DCC: variants seen among roughly 807,000 people sequenced by gnomAD.
DCC encodes DCC netrin 1 receptor.
DCC carries 58 observed loss-of-function variants against 172.5 expected under a neutral mutation model. That is an observed-to-expected ratio of 0.34 (90% confidence interval 0.27 to 0.42). The LOEUF is 0.42. DCC is among the 10% of genes least tolerant of loss of function. The probability of loss-of-function intolerance (pLI) is 1.00; values close to 1 mark genes in which losing one functional copy is unlikely to be tolerated. For synonymous variants in DCC, 709 were observed against 644.5 expected, an observed-to-expected ratio of 1.10 and a Z score of -1.52; for missense variants, 1,740 against 1,791.0, an observed-to-expected ratio of 0.97 and a Z score of 0.51.
intron 1 of DCC, among the ~76,000 whole-genome samples, chr18:52,480,098 A>G (rs555387786): frequency 6.6e-6 from 1 of 152,302 alleles, no homozygotes; most frequent in East Asian, 1.9e-4. Context: ...TTGCACAGCC[A>G]GTGAGTATAA....
chr18:52,633,999 C>T (rs2034727041), intron 1 of DCC, among the ~76,000 whole-genome samples: 1 of 152,228 alleles, frequency 6.6e-6, no homozygotes, highest in Non-Finnish European at 1.5e-5. Context: ...GATGGCGTAG[C>T]ACTCCTTTGC....
At chr18:53,451,697 A>G (rs2045414812) in intron 23 of DCC, among the ~76,000 whole-genome samples, 1 of 146,974 alleles carries the variant, frequency 6.8e-6, no homozygotes, top group African/African-American at 2.6e-5. Context: ...TCTGTTGCTA[A>G]TAGCTCGCTC....
At chr18:52,883,348 TTATG>T (rs55682766) in intron 2 of DCC, among the ~76,000 whole-genome samples, 3,294 of 106,074 alleles carry the variant, frequency 0.031, 64 homozygotes, top group Non-Finnish European at 0.038. Flanking sequence ...ATTTATTTAT[TTATG>T]TGTGTGTGTG....
At chr18:52,946,890 T>C (rs2040554754) in intron 5 of DCC, among the ~76,000 whole-genome samples, 1 of 152,162 alleles carries the variant, frequency 6.6e-6, no homozygotes, top group Non-Finnish European at 1.5e-5. Context: ...AAGATACATA[T>C]TTTAATACTT....
intron 2 of DCC, among the ~76,000 whole-genome samples, chr18:52,770,540 T>C (rs2037323923): frequency 6.6e-6 from 1 of 152,214 alleles, no homozygotes; most frequent in Admixed American, 6.5e-5. Flanking sequence ...ATCATATCTG[T>C]CATCTTTGCT....
intron 1 of DCC, among the ~76,000 whole-genome samples, chr18:52,586,041 C>T (rs28549871): frequency 2.5e-4 from 31 of 126,242 alleles, no homozygotes; most frequent in African/African-American, 8.7e-4. Flanking sequence ...CGAAATTGTG[C>T]CACTGCACTC....
intron 2 of DCC, among the ~76,000 whole-genome samples, chr18:52,818,744 C>G (rs1168219412): frequency 6.6e-6 from 1 of 152,080 alleles, no homozygotes; most frequent in East Asian, 1.9e-4. Context: ...ACTTGGTCAT[C>G]AAAACATTCA....
chr18:52,608,880 C>A (rs2034191554), intron 1 of DCC, among the ~76,000 whole-genome samples: 1 of 152,112 alleles, frequency 6.6e-6, no homozygotes, highest in African/African-American at 2.4e-5. Flanking sequence ...GATATGTGCA[C>A]AACTCACATA....
At chr18:53,088,349 C>T (rs540652705) in intron 7 of DCC, among the ~76,000 whole-genome samples, 83 of 152,224 alleles carry the variant, frequency 5.5e-4, no homozygotes, top group African/African-American at 1.9e-3. Context: ...CTAGGTATTT[C>T]ATTCCCTTTG....
chr18:53,344,695 C>A (rs567401688), intron 15 of DCC, among the ~76,000 whole-genome samples: 31 of 151,758 alleles, frequency 2.0e-4, no homozygotes, highest in Non-Finnish European at 4.1e-4. Context: ...CCACCTCAGC[C>A]TCTCAAGTGC....
At position 52,699,782 on chromosome 18, in the gene DCC, G is replaced by T. The variant is rs563529654; in HGVS notation, c.92-52272G>T. ...ATATTACTTTTTTTTTCTCTGAATT[G>T]GATGTCAGCAGACATGAACTCTAGT... is the stretch of plus-strand genomic sequence containing the variant. On this transcript the variant is annotated intron_variant, in intron 1 of 28. Transcript: ENST00000442544. 4.3e-4 allele frequency among the ~76,000 whole-genome samples: 65 copies of T among 151,726 alleles called. 1 individual carries two copies. Among genetic ancestry groups the T allele is most frequent in the Non-Finnish European group, 8.5e-4 (58 of 67,938 alleles).
intron 2 of DCC, among the ~76,000 whole-genome samples, chr18:52,770,581 T>A (rs1184047189): frequency 6.6e-6 from 1 of 152,212 alleles, no homozygotes. Flanking sequence ...AGTATTATAG[T>A]GTCTGAATGT....
chr18:52,389,081 C>T lies in DCC; in HGVS notation c.91+48203C>T, dbSNP rs116751902. On this transcript the variant is annotated intron_variant, in intron 1 of 28. Transcript: ENST00000442544. ...ATCCACCCTCCCTGGAACTGCTCAG[C>T]GCTGGCTGCATACGCACAGGGTGAG... 1.6e-3 allele frequency among the ~76,000 whole-genome samples: 242 copies of T among 152,164 alleles called. 1 individual carries two copies. Among genetic ancestry groups the T allele is most frequent in the African/African-American group, 5.4e-3 (226 of 41,544 alleles).
At chr18:53,073,579 T>C (rs1413764394) in intron 7 of DCC, among the ~76,000 whole-genome samples, 1 of 152,106 alleles carries the variant, frequency 6.6e-6, no homozygotes, top group Non-Finnish European at 1.5e-5. Context: ...CTGGTTTTAT[T>C]TTTTTCCCTC....
chr18:52,738,812 T>C (rs2036768989), intron 1 of DCC, among the ~76,000 whole-genome samples: 3 of 149,872 alleles, frequency 2.0e-5, no homozygotes, highest in Admixed American at 2.0e-4. Context: ...CAAACATGGC[T>C]CAATGCAGCC....
chr18:53,013,347 C>A (rs555211484), intron 5 of DCC, among the ~76,000 whole-genome samples: 1 of 152,028 alleles, frequency 6.6e-6, no homozygotes, highest in Non-Finnish European at 1.5e-5. Flanking sequence ...CACATATATA[C>A]CATGGAATAC....
chr18:52,434,946 T>C (rs1987743239), intron 1 of DCC, among the ~76,000 whole-genome samples: 1 of 152,218 alleles, frequency 6.6e-6, no homozygotes, highest in African/African-American at 2.4e-5. Flanking sequence ...GATTGCAATG[T>C]TTGCTTTTAT....
intron 15 of DCC, among the ~76,000 whole-genome samples, chr18:53,350,270 G>C (rs8094117): frequency 0.044 from 6,629 of 152,102 alleles, 471 homozygotes; most frequent in African/African-American, 0.15. Flanking sequence ...AAGATGTATC[G>C]GGAATTAAGT....
intron 25 of DCC, among the ~76,000 whole-genome samples, chr18:53,468,229 CAGAT>C (rs1188656717): frequency 2.6e-5 from 4 of 151,736 alleles, no homozygotes; most frequent in South Asian, 2.1e-4. Flanking sequence ...TGTTGGCAAA[CAGAT>C]GGATATATAT....
Sources: gnomAD v4.1 joint callset for allele counts (sites outside exome capture counted in the v4.1 genomes callset) on GRCh38, gnomAD v4.1.1 for gene constraint, MANE v1.5 for transcripts, NCBI Gene and HGNC (gene_info 2026-07-23, HGNC 2026-07-21) for gene names.